Variants in TBC1D9 observed in about 807,000 individuals in gnomAD.
TBC1D9 encodes TBC1 domain family member 9A.
TBC1D9 carries 63 observed loss-of-function variants against 132.0 expected under a neutral mutation model. That is an observed-to-expected ratio of 0.48 (90% CI 0.39 to 0.59). The LOEUF (loss-of-function observed/expected upper bound fraction) is 0.59, where lower values mean the gene tolerates loss of function less well. Among genes scored for constraint, TBC1D9 ranks in the 20% least tolerant of loss-of-function variants. The pLI is 0.00. For synonymous variants in TBC1D9, 610 were observed against 609.9 expected (o/e 1.00, Z 0.00); for missense variants, 1,261 against 1,592.7 (o/e 0.79, Z 3.54).
intron 2 of TBC1D9, among the ~76,000 whole-genome samples, chr4:140,696,692 T>C (rs1048678320): frequency 6.6e-6 from 1 of 152,152 alleles, no homozygotes; most frequent in Non-Finnish European, 1.5e-5. Context: ...TACTGCTCTA[T>C]GTGGTCTATG....
chr4:140,751,162 C>G (rs1738917666), intron 1 of TBC1D9, among the ~76,000 whole-genome samples: 1 of 152,094 alleles, frequency 6.6e-6, no homozygotes, highest in Non-Finnish European at 1.5e-5. Context: ...ATGTAACAAA[C>G]CTGTGCATGT....
intron 15 of TBC1D9, among the ~76,000 whole-genome samples, chr4:140,635,721 G>A (rs1736869168): frequency 4.6e-5 from 7 of 152,284 alleles, no homozygotes; most frequent in Admixed American, 4.6e-4. Flanking sequence ...GAGGTGGTGA[G>A]CAGAACCAGT....
chr4:140,635,407 A>G lies in TBC1D9; in HGVS notation c.2506-1219T>C, dbSNP rs558459400. ...TGAGGTGGGAGGATAGTTTGAGCCC[A>G]GGAGGTCAAGTCTGCAGTGACCCGG... On this transcript the variant is annotated intron_variant, in intron 15 of 20. Transcript: ENST00000442267. 2.6e-5 allele frequency among the ~76,000 whole-genome samples: 4 copies of G among 152,282 alleles called. No individual in the cohort carries two copies. In the East Asian group the frequency reaches 7.7e-4, roughly 29 times the overall value.
chr4:140,629,910 T>C (rs1425916780), intron 16 of TBC1D9, among the ~76,000 whole-genome samples: 3 of 152,240 alleles, frequency 2.0e-5, no homozygotes, highest in African/African-American at 7.2e-5. Context: ...ACTTCATATG[T>C]ATAATCCCAC....
At chr4:140,623,735 ATTG>A (rs1736660897) in intron 20 of TBC1D9, among the ~76,000 whole-genome samples, 1 of 152,122 alleles carries the variant, frequency 6.6e-6, no homozygotes, top group Non-Finnish European at 1.5e-5. Flanking sequence ...AATTATTTAT[ATTG>A]TTTTTTTCTT....
chr4:140,643,974 G>T, intron 13 of TBC1D9: 1 of 583,562 alleles, frequency 1.7e-6, no homozygotes, highest in Non-Finnish European at 3.2e-6. Flanking sequence ...TTCAGCCAGC[G>T]GCTCTTCCTC....
chr4:140,649,953 AT>A (rs2110989165), intron 13 of TBC1D9, among the ~76,000 whole-genome samples: 1 of 152,278 alleles, frequency 6.6e-6, no homozygotes, highest in Non-Finnish European at 1.5e-5. Flanking sequence ...CAGTATTTAT[AT>A]TTTACGTAAA....
intron 13 of TBC1D9, chr4:140,643,594 G>A: frequency 5.5e-6 from 5 of 912,242 alleles, no homozygotes; most frequent in Non-Finnish European, 6.6e-6. Flanking sequence ...GCCTGGGCCA[G>A]GCCTTCCTCC....
At chr4:140,685,874 T>C (rs896913389) in intron 3 of TBC1D9, among the ~76,000 whole-genome samples, 1 of 152,134 alleles carries the variant, frequency 6.6e-6, no homozygotes, top group Non-Finnish European at 1.5e-5. Flanking sequence ...GGCTGGTGAA[T>C]GGTACAAACT....
intron 18 of TBC1D9, among the ~76,000 whole-genome samples, chr4:140,625,065 A>G (rs1392813512): frequency 6.7e-6 from 1 of 149,644 alleles, no homozygotes; most frequent in Non-Finnish European, 1.5e-5. Flanking sequence ...AAAAAAAAAA[A>G]TTAATGGGAT....
chr4:140,626,963 A>G (rs1041401723), intron 18 of TBC1D9, among the ~76,000 whole-genome samples: 1 of 152,192 alleles, frequency 6.6e-6, no homozygotes, highest in Non-Finnish European at 1.5e-5. Flanking sequence ...TTTACTTTTG[A>G]TTTTTAAAAA....
Position 140,637,305 on chromosome 4 carries a change from G to A in TBC1D9, c.2505+1781C>T, listed in dbSNP as rs898543028. 2.0e-4 allele frequency among the ~76,000 whole-genome samples: 30 copies of A among 151,878 alleles called. 1 individual carries two copies. The highest frequency in any genetic ancestry group is 2.1e-4 in the South Asian group (1 of 4,822). Reference sequence around the variant, plus strand: ...GCAGAGGCTACAGTGAGCCGAGATCGTGTCACTGCACTCCAGCCTGGGTGA... The same window carrying A: ...GCAGAGGCTACAGTGAGCCGAGATCATGTCACTGCACTCCAGCCTGGGTGA... On this transcript the variant is annotated intron_variant, in intron 15 of 20. Coordinates refer to ENST00000442267, the MANE Select transcript of TBC1D9 (RefSeq NM_015130.3).
Position 140,701,621 on chromosome 4 carries a change from G to T in TBC1D9, c.131-7C>A. 6.2e-7 allele frequency: 1 copy of T among 1,611,804 alleles called. No homozygotes were observed. The highest frequency in any genetic ancestry group is 8.5e-7 in the Non-Finnish European group (1 of 1,178,034). On this transcript the variant is annotated splice_region_variant and splice_polypyrimidine_tract_variant and intron_variant, in intron 1 of 20. Coordinates refer to ENST00000442267, the MANE Select transcript of TBC1D9 (RefSeq NM_015130.3). Reference sequence around the variant, plus strand: ...AGGGTACCCACCAGCAGGCCTGAGGGTGGAAAGTGGGGAGAAACAGGTAAG... The same window carrying T: ...AGGGTACCCACCAGCAGGCCTGAGGTTGGAAAGTGGGGAGAAACAGGTAAG...
intron 1 of TBC1D9, among the ~76,000 whole-genome samples, chr4:140,723,967 T>C (rs1412785308): frequency 2.0e-5 from 3 of 152,174 alleles, no homozygotes; most frequent in Admixed American, 2.0e-4. Flanking sequence ...GGTCTCAAGC[T>C]GCTTGCTTCA....
Position 140,746,725 on chromosome 4 carries a change from T to C in TBC1D9, c.130+9191A>G, listed in dbSNP as rs531198132. Among the ~76,000 whole-genome samples, 270 of 152,310 alleles carry C rather than the reference T, an allele frequency of 1.8e-3. 8 individuals carry two copies. In the South Asian group the frequency reaches 0.033, roughly 18 times the overall value. Reference sequence around the variant, plus strand: ...AAGCCATCAGATCTCGTGAGACTTATTCACTACCATGAAACGGTATGGGGG... The same window carrying C: ...AAGCCATCAGATCTCGTGAGACTTACTCACTACCATGAAACGGTATGGGGG... On this transcript the variant is annotated intron_variant, in intron 1 of 20. Transcript: ENST00000442267.
At chr4:140,711,850 T>C (rs1738248305) in intron 1 of TBC1D9, among the ~76,000 whole-genome samples, 1 of 152,204 alleles carries the variant, frequency 6.6e-6, no homozygotes, top group Non-Finnish European at 1.5e-5. Flanking sequence ...CATGTATTAA[T>C]TTTAAAGAAT....
In TBC1D9 at chr4:140,623,259, G is replaced by A. The variant is rs189318674; in HGVS notation, c.3079-342C>T. 2.3e-3 allele frequency among the ~76,000 whole-genome samples: 350 copies of A among 152,128 alleles called. 1 individual carries two copies. Among genetic ancestry groups the A allele is most frequent in the African/African-American group, 8.0e-3 (331 of 41,498 alleles). On this transcript the variant is annotated intron_variant, in intron 20 of 20. Transcript: ENST00000442267. Reference sequence around the variant, plus strand: ...AATCTTTGCGTTTTTTGTAGAGATGGGGTTTCGCCATTTTACCCAGGCTGG... The same window carrying A: ...AATCTTTGCGTTTTTTGTAGAGATGAGGTTTCGCCATTTTACCCAGGCTGG...
chr4:140,751,171 G>A (rs1738917948), intron 1 of TBC1D9, among the ~76,000 whole-genome samples: 1 of 152,116 alleles, frequency 6.6e-6, no homozygotes, highest in African/African-American at 2.4e-5. Context: ...ACCTGTGCAT[G>A]TAACCCATGA....
chr4:140,647,366 A>G (rs143973451), intron 13 of TBC1D9, among the ~76,000 whole-genome samples: 4 of 152,300 alleles, frequency 2.6e-5, no homozygotes, highest in African/African-American at 9.6e-5. Context: ...ACCAACTACC[A>G]TTCTATCATA....
Sources: gnomAD v4.1 joint callset for allele counts (sites outside exome capture counted in the v4.1 genomes callset) on GRCh38, gnomAD v4.1.1 for gene constraint, MANE v1.5 for transcripts, NCBI Gene and HGNC (gene_info 2026-07-23, HGNC 2026-07-21) for gene names.